The following NAT14 variants were observed in gnomAD, a reference collection of about 807,000 sequenced individuals.
NAT14 encodes N-acetyltransferase 14 (putative).
NAT14 carries 14 observed loss-of-function variants against 12.1 expected under a neutral mutation model. The observed-to-expected ratio is 1.16, with a 90% confidence interval of 0.76 to 1.81. The LOEUF (loss-of-function observed/expected upper bound fraction) is 1.81, where lower values mean the gene tolerates loss of function less well. Among genes scored for constraint, NAT14 ranks in the 40% most tolerant of loss-of-function variants. The pLI, the probability that NAT14 is intolerant of heterozygous loss-of-function variation, is 0.00. For missense variants in NAT14, 341 were observed against 304.3 expected, an observed-to-expected ratio of 1.12 and a Z score of -0.90; for synonymous variants, 156 against 145.1, an observed-to-expected ratio of 1.08 and a Z score of -0.54.
Position 55,486,706 on chromosome 19 carries a change from G to A in NAT14, c.371G>A (p.Arg124Gln), listed in dbSNP as rs1986929046. ...GGCACAAATGCAGGGGACGGGGCCCGGGTCACCCGCCTGTCTGTCTCTCGC... is the reference window on the plus strand; with the variant it reads ...GGCACAAATGCAGGGGACGGGGCCCAGGTCACCCGCCTGTCTGTCTCTCGC... The part of the protein sequence containing the change: ...APGTNAGDGA[R>Q]VTRLSVSRWH... The change falls in exon 3 of 3, where the codon CGG becomes CAG. Residue 124 changes from arginine to glutamine, a missense_variant. By Grantham distance (43) the Arg-to-Gln change is conservative. Transcript: ENST00000205194. 7.0e-7 allele frequency: 1 copy of A among 1,421,236 alleles called. No individual in the cohort carries two copies. Among genetic ancestry groups the A allele is most frequent in the Non-Finnish European group, 9.1e-7 (1 of 1,099,152 alleles). 88.0% of individuals were successfully genotyped at this position (1,421,236 alleles called of 1,614,324 possible). A position where few individuals can be genotyped will look rare whatever the true frequency, so the allele number is the denominator to read the frequency against.
chr19:55,486,459 C>T lies in NAT14; in HGVS notation c.124C>T (p.Pro42Ser), dbSNP rs1986915041. 2.6e-6 allele frequency: 4 copies of T among 1,542,070 alleles called. No homozygotes were observed. The highest frequency in any genetic ancestry group is 1.2e-5 in the South Asian group (1 of 82,638). Residue 42 changes from proline (P) to serine (S), a missense_variant, in exon 3 of 3, where the codon CCG (proline) becomes TCG (serine). Coordinates refer to ENST00000205194, the MANE Select transcript of NAT14 (RefSeq NM_020378.4). ...CGTGGCCCTCCATGCCTTGACACGG[C>T]CGCCGGCCCTGCTCCTCCTGGCGGC... Reference protein sequence around the residue: ...NRVALHALTRPPALLLLAAAS... With the variant: ...NRVALHALTRSPALLLLAAAS...
rs1383607728 is a variant in NAT14 at position 55,487,505 on chromosome 19, CTGTCCCTTCCTCCAGATCCGTCTGGTTT to C, written c.*551_*578del. The C allele has an allele frequency of 2.5e-6, 1 of 396,222 alleles. No individual in the cohort carries two copies. The highest frequency in any genetic ancestry group is 2.1e-5 in the African/African-American group (1 of 48,566). 24.5% of individuals were successfully genotyped at this position (396,222 alleles called of 1,614,324 possible). ...AGGTTGAGAGCTGAGACGGGCAGCC[CTGTCCCTTCCTCCAGATCCGTCTGGTTT>C]TTTACACCGTTTGTTAATAAAGCCT... On this transcript the variant is annotated 3_prime_UTR_variant, in exon 3 of 3. Coordinates refer to ENST00000205194, the MANE Select transcript of NAT14 (RefSeq NM_020378.4).
At chr19:55,486,015 C>A in intron 2 of NAT14, 1 of 602,948 alleles carries the variant, frequency 1.7e-6, no homozygotes, top group South Asian at 2.0e-5. Context: ...TCTCCCATCT[C>A]CAGTCGGCTG....
Position 55,486,950 on chromosome 19 carries a change from C to A in NAT14, c.615C>A (p.Asp205Glu), listed in dbSNP as rs118182626. ...GYTLVREFSK[D>E]L Reference sequence around the variant, plus strand: ...CGCTGGTGAGGGAATTCAGCAAAGACCTGTGAAGCTACAGACTGACAGCCA... The same window carrying A: ...CGCTGGTGAGGGAATTCAGCAAAGAACTGTGAAGCTACAGACTGACAGCCA... Residue 205 changes from aspartate to glutamate, a missense_variant, in exon 3 of 3, where the codon GAC becomes GAA. Physicochemically the swap from Asp to Glu is conservative, Grantham distance 45. Coordinates refer to ENST00000205194, the MANE Select transcript of NAT14 (RefSeq NM_020378.4). The A allele has an allele frequency of 0.031, 48,436 of 1,559,250 alleles. 856 individuals are homozygous for A. Among genetic ancestry groups the A allele is most frequent in the Admixed American group, 0.042 (2,274 of 54,748 alleles).
chr19:55,487,039 C>T lies in NAT14; in HGVS notation c.*83C>T. On this transcript the variant is annotated 3_prime_UTR_variant, in exon 3 of 3. Coordinates refer to ENST00000205194, the MANE Select transcript of NAT14 (RefSeq NM_020378.4). ...CGCCTACTGTCTGCGGGTTCTTTTACCTGCTCTCCCTCAGTGAGTCCTCAA... is the reference window on the plus strand; with the variant it reads ...CGCCTACTGTCTGCGGGTTCTTTTATCTGCTCTCCCTCAGTGAGTCCTCAA... 1.4e-6 allele frequency: 2 copies of T among 1,472,710 alleles called. No individual in the cohort carries two copies. The highest frequency in any genetic ancestry group is 1.3e-5 in the South Asian group (1 of 74,656). 91.2% of individuals were successfully genotyped at this position (1,472,710 alleles called of 1,614,324 possible).
Position 55,486,744 on chromosome 19 carries a change from C to CG in NAT14, c.413dup (p.Val139ArgfsTer87), listed in dbSNP as rs1353093698. 3.5e-6 allele frequency: 5 copies of CG among 1,413,870 alleles called. No individual in the cohort carries two copies. The highest frequency in any genetic ancestry group is 4.6e-6 in the Non-Finnish European group (5 of 1,095,408). 87.6% of individuals were successfully genotyped at this position (1,413,870 alleles called of 1,614,324 possible). On this transcript the variant is annotated frameshift_variant, in exon 3 of 3. Coordinates refer to ENST00000205194, the MANE Select transcript of NAT14 (RefSeq NM_020378.4). LOFTEE classifies it high-confidence loss of function. Reference sequence around the variant, plus strand: ...GTCTGTCTCTCGCTGGCACCGCCGCCGGGGCGTGGGCAGGAGGCTGCTGGC... The same window carrying CG: ...GTCTGTCTCTCGCTGGCACCGCCGCCGGGGGCGTGGGCAGGAGGCTGCTGGC...
Position 55,487,003 on chromosome 19 carries a change from C to G in NAT14, c.*47C>G, listed in dbSNP as rs777447225. 8.6e-6 allele frequency: 13 copies of G among 1,516,748 alleles called. No individual in the cohort carries two copies. The highest frequency in any genetic ancestry group is 1.1e-5 in the Non-Finnish European group (13 of 1,138,872). 94.0% of individuals were successfully genotyped at this position (1,516,748 alleles called of 1,614,324 possible). Reference sequence around the variant, plus strand: ...GCAGGGGAGGAGGGAGGGGCGCCAGCACCTGATGATCGCCTACTGTCTGCG... The same window carrying G: ...GCAGGGGAGGAGGGAGGGGCGCCAGGACCTGATGATCGCCTACTGTCTGCG... On this transcript the variant is annotated 3_prime_UTR_variant, in exon 3 of 3. Coordinates refer to ENST00000205194, the MANE Select transcript of NAT14 (RefSeq NM_020378.4).
At position 55,486,601 on chromosome 19, in the gene NAT14, C is replaced by A; in HGVS notation, c.266C>A (p.Pro89His). The change falls in exon 3 of 3, where the codon CCT becomes CAT. Residue 89 changes from proline to histidine, a missense_variant. Coordinates refer to ENST00000205194, the MANE Select transcript of NAT14 (RefSeq NM_020378.4). ...LGLRARWGSL[P>H]PPGGLGGPWV... Reference sequence around the variant, plus strand: ...CTGCGGGCCCGATGGGGCTCGCTGCCTCCGCCGGGTGGCCTGGGGGGCCCC... The same window carrying A: ...CTGCGGGCCCGATGGGGCTCGCTGCATCCGCCGGGTGGCCTGGGGGGCCCC... The A allele has an allele frequency of 6.4e-7, 1 of 1,554,176 alleles. No individual in the cohort carries two copies. Among genetic ancestry groups the A allele is most frequent in the African/African-American group, 1.4e-5 (1 of 71,788 alleles).
At chr19:55,486,152 C>T in intron 2 of NAT14, 1 of 580,666 alleles carries the variant, frequency 1.7e-6, no homozygotes, top group Non-Finnish European at 3.0e-6. Flanking sequence ...CCTCCCTGTC[C>T]TTACTTCCCT....
intron 2 of NAT14, chr19:55,486,106 C>T: frequency 1.8e-6 from 1 of 548,334 alleles, no homozygotes; most frequent in South Asian, 2.7e-5. Flanking sequence ...CCTAGCCCAG[C>T]AGCCTCCCTC....
chr19:55,487,140 C>A lies in NAT14; in HGVS notation c.*184C>A. 1 of 955,468 alleles carries A rather than the reference C, an allele frequency of 1.0e-6. No individual in the cohort carries two copies. The highest frequency in any genetic ancestry group is 1.5e-6 in the Non-Finnish European group (1 of 680,142). The allele number at this position is 955,468 out of a possible 1,614,324, so 59.2% of individuals were successfully genotyped here. ...TGTCCACCCGTCAGCAGTGTGAAGTCTGTTGTGTTTGAGCTTCTCAGAGTG... is the reference window on the plus strand; with the variant it reads ...TGTCCACCCGTCAGCAGTGTGAAGTATGTTGTGTTTGAGCTTCTCAGAGTG... On this transcript the variant is annotated 3_prime_UTR_variant, in exon 3 of 3. Coordinates refer to ENST00000205194, the MANE Select transcript of NAT14 (RefSeq NM_020378.4).
chr19:55,485,547 C>T (rs1986892100), intron 1 of NAT14, 114 bp from the exon 2 acceptor site: 1 of 606,562 alleles, frequency 1.6e-6, no homozygotes. Context: ...CTTGGGGGCC[C>T]CGAGGGTTCT....
At chr19:55,485,399 GC>G in intron 1 of NAT14, 141 bp downstream of exon 1, 1 of 350,348 alleles carries the variant, frequency 2.9e-6, no homozygotes, top group Non-Finnish European at 5.3e-6. Flanking sequence ...CTGGGAGGGA[GC>G]CCCGTGCTGC....
rs977391165 is a variant in NAT14, at chr19:55,486,434, C to T, written c.99C>T (p.Arg33=). ...CCGGCGTGAAGGACACGGAAAACCG[C>T]GTGGCCCTCCATGCCTTGACACGGC... The part of the protein sequence containing the change: ...LKAGVKDTEN[R]VALHALTRPP... The change falls in exon 3 of 3, where the codon CGC becomes CGT. Residue 33 remains arginine, a synonymous_variant. Transcript: ENST00000205194. 2.6e-6 allele frequency: 4 copies of T among 1,510,328 alleles called. No homozygotes were observed. In the Middle Eastern group the frequency reaches 5.2e-4, roughly 197 times the overall value. 93.6% of individuals were successfully genotyped at this position (1,510,328 alleles called of 1,614,324 possible). A position where few individuals can be genotyped will look rare whatever the true frequency, so the allele number is the denominator to read the frequency against.
chr19:55,486,684 A>G lies in NAT14; in HGVS notation c.349A>G (p.Thr117Ala). ...TGGGGTCCTGGCTCTGGCCCCTGGC[A>G]CAAATGCAGGGGACGGGGCCCGGGT... ...VCGVLALAPGTNAGDGARVTR... is the reference protein window; with the variant it reads ...VCGVLALAPGANAGDGARVTR... The change falls in exon 3 of 3, where the codon ACA becomes GCA. Residue 117 changes from threonine to alanine, a missense_variant. Coordinates refer to ENST00000205194, the MANE Select transcript of NAT14 (RefSeq NM_020378.4). 2 of 1,440,758 alleles carry G rather than the reference A, an allele frequency of 1.4e-6. No individual in the cohort carries two copies. Among genetic ancestry groups the G allele is most frequent in the Non-Finnish European group, 1.8e-6 (2 of 1,108,714 alleles). The allele number at this position is 1,440,758 out of a possible 1,614,324, so 89.2% of individuals were successfully genotyped here. A position where few individuals can be genotyped will look rare whatever the true frequency, so the allele number is the denominator to read the frequency against.
intron 2 of NAT14, 81 bp from the exon 3 acceptor site, chr19:55,486,327 G>A (rs1030050805): frequency 1.4e-6 from 2 of 1,383,498 alleles, no homozygotes; most frequent in Admixed American, 3.4e-5. Flanking sequence ...CTCTCACCCC[G>A]CCCCGGGCAG....
Position 55,487,507 on chromosome 19 carries a change from G to A in NAT14, c.*551G>A. On this transcript the variant is annotated 3_prime_UTR_variant, in exon 3 of 3. Coordinates refer to ENST00000205194, the MANE Select transcript of NAT14 (RefSeq NM_020378.4). ...GTTGAGAGCTGAGACGGGCAGCCCT[G>A]TCCCTTCCTCCAGATCCGTCTGGTT... 2 of 396,258 alleles carry A rather than the reference G, an allele frequency of 5.0e-6. No individual in the cohort carries two copies. The highest frequency in any genetic ancestry group is 8.9e-6 in the Non-Finnish European group (2 of 225,106). 24.5% of individuals were successfully genotyped at this position (396,258 alleles called of 1,614,324 possible). A position where few individuals can be genotyped will look rare whatever the true frequency, so the allele number is the denominator to read the frequency against.
chr19:55,487,224 C>T lies in NAT14; in HGVS notation c.*268C>T, dbSNP rs748065766. 9.2e-5 allele frequency: 49 copies of T among 533,434 alleles called. No homozygotes were observed. Among genetic ancestry groups the T allele is most frequent in the Admixed American group, 1.5e-4 (4 of 26,542 alleles). 33.0% of individuals were successfully genotyped at this position (533,434 alleles called of 1,614,324 possible). A position where few individuals can be genotyped will look rare whatever the true frequency, so the allele number is the denominator to read the frequency against. ...CCTCTCGAGGTCAGCCTCTCCAACC[C>T]CTACCTCAGCTCCTGTCTGCACTGA... On this transcript the variant is annotated 3_prime_UTR_variant, in exon 3 of 3. Transcript: ENST00000205194.
rs989779634 is a variant in NAT14 at position 55,486,671 on chromosome 19, T to C, written c.336T>C (p.Ala112=). The change falls in exon 3 of 3, where the codon GCT becomes GCC. Residue 112 remains alanine (A), a synonymous_variant. Transcript: ENST00000205194. ...CCGGTGACGTGTGTGGGGTCCTGGC[T>C]CTGGCCCCTGGCACAAATGCAGGGG... ...RGSGDVCGVL[A]LAPGTNAGDG... The C allele has an allele frequency of 3.4e-6, 5 of 1,456,832 alleles. No individual in the cohort carries two copies. In the East Asian group the frequency reaches 1.4e-4, roughly 39 times the overall value. 90.2% of individuals were successfully genotyped at this position (1,456,832 alleles called of 1,614,324 possible). A position where few individuals can be genotyped will look rare whatever the true frequency, so the allele number is the denominator to read the frequency against.
Sources: gnomAD v4.1 joint callset for allele counts on GRCh38, gnomAD v4.1.1 for gene constraint, MANE v1.5 for transcripts, NCBI Gene and HGNC (gene_info 2026-07-23, HGNC 2026-07-21) for gene names.